Variants in ACTR3B observed in about 807,000 individuals in gnomAD.
ACTR3B encodes actin related protein 3B.
In ACTR3B, 8 loss-of-function variants were observed where a neutral mutation model predicts 59.0. That is an observed-to-expected ratio of 0.14 (90% confidence interval 0.08 to 0.24). The LOEUF (loss-of-function observed/expected upper bound fraction) is 0.24, where lower values mean the gene tolerates loss of function less well. Ranked by LOEUF, ACTR3B falls within the 10% of genes least tolerant of loss-of-function variation. The probability of loss-of-function intolerance (pLI) is 1.00; values close to 1 mark genes in which losing one functional copy is unlikely to be tolerated. For synonymous variants in ACTR3B, 148 were observed against 197.9 expected, an observed-to-expected ratio of 0.75 and a Z score of 2.12; for missense variants, 245 against 552.3, an observed-to-expected ratio of 0.44 and a Z score of 5.58.
chr7:152,827,865 C>A (rs1428799798), intron 9 of ACTR3B, among the ~76,000 whole-genome samples: 2 of 151,456 alleles, frequency 1.3e-5, no homozygotes, highest in African/African-American at 4.8e-5. Flanking sequence ...CGTTTCTGTG[C>A]GTTAGCCTGC....
chr7:152,838,453 C>T (rs912084518), intron 9 of ACTR3B, among the ~76,000 whole-genome samples: 5 of 152,246 alleles, frequency 3.3e-5, no homozygotes, highest in Non-Finnish European at 5.9e-5. Context: ...CCAAACACTG[C>T]ATGTTCTCAC....
At chr7:152,792,534 G>A (rs2098200212) in intron 2 of ACTR3B, among the ~76,000 whole-genome samples, 1 of 151,928 alleles carries the variant, frequency 6.6e-6, no homozygotes, top group African/African-American at 2.4e-5. Context: ...CGGGTCATGA[G>A]GTCAAGAATT....
At chr7:152,848,159 C>G (rs900912323) in intron 9 of ACTR3B, among the ~76,000 whole-genome samples, 8 of 152,182 alleles carry the variant, frequency 5.3e-5, no homozygotes, top group African/African-American at 1.9e-4. Context: ...TTGGGTGTTA[C>G]AGTAAGAAGC....
intron 1 of ACTR3B, among the ~76,000 whole-genome samples, chr7:152,760,334 G>A (rs2098085584): frequency 6.6e-6 from 1 of 152,220 alleles, no homozygotes; most frequent in African/African-American, 2.4e-5. Context: ...GATCATCACT[G>A]CAGATCCTTT....
intron 2 of ACTR3B, among the ~76,000 whole-genome samples, chr7:152,788,758 C>T (rs1197607417): frequency 6.6e-6 from 1 of 152,120 alleles, no homozygotes; most frequent in African/African-American, 2.4e-5. Flanking sequence ...CAGTGGTTCA[C>T]ACCTGTAATT....
intron 2 of ACTR3B, among the ~76,000 whole-genome samples, chr7:152,789,827 A>T (rs1233839370): frequency 6.6e-6 from 1 of 152,112 alleles, no homozygotes. Context: ...TGATAACTGT[A>T]GGTTTTTGTG....
At chr7:152,844,250 G>T (rs1230432584) in intron 9 of ACTR3B, among the ~76,000 whole-genome samples, 2 of 151,948 alleles carry the variant, frequency 1.3e-5, no homozygotes, top group African/African-American at 4.8e-5. Context: ...TAGAGATGGG[G>T]TTTCACCATG....
intron 9 of ACTR3B, among the ~76,000 whole-genome samples, chr7:152,834,313 C>G (rs1210067732): frequency 5.3e-5 from 8 of 152,104 alleles, no homozygotes; most frequent in African/African-American, 9.7e-5. Context: ...GCCACCACGC[C>G]TGGCTGATTT....
At chr7:152,778,696 T>G (rs953865454) in intron 1 of ACTR3B, among the ~76,000 whole-genome samples, 2 of 151,860 alleles carry the variant, frequency 1.3e-5, no homozygotes, top group African/African-American at 4.8e-5. Flanking sequence ...TCCTAGCACT[T>G]TGGGAGGCCA....
At chr7:152,814,997 G>A (rs1294940133) in intron 5 of ACTR3B, among the ~76,000 whole-genome samples, 2 of 151,478 alleles carry the variant, frequency 1.3e-5, no homozygotes, top group African/African-American at 4.9e-5. Flanking sequence ...TCCCCTTTCC[G>A]ATTTTGGGCT....
chr7:152,838,834 A>G (rs1797667103), intron 9 of ACTR3B, among the ~76,000 whole-genome samples: 1 of 152,176 alleles, frequency 6.6e-6, no homozygotes, highest in African/African-American at 2.4e-5. Context: ...TCACTGCTTC[A>G]GAGTCTTTCT....
chr7:152,760,673 G>A (rs922998952), intron 1 of ACTR3B, among the ~76,000 whole-genome samples: 1 of 152,184 alleles, frequency 6.6e-6, no homozygotes, highest in Non-Finnish European at 1.5e-5. Flanking sequence ...TTGTGGTAGA[G>A]GTTTTTGTTT....
chr7:152,828,544 G>A (rs1441331477), intron 9 of ACTR3B, among the ~76,000 whole-genome samples: 1 of 152,012 alleles, frequency 6.6e-6, no homozygotes. Context: ...GCACAGATCA[G>A]TAGGTCTGTG....
intron 2 of ACTR3B, among the ~76,000 whole-genome samples, chr7:152,788,649 G>C (rs888576141): frequency 1.3e-5 from 2 of 152,022 alleles, no homozygotes; most frequent in Non-Finnish European, 2.9e-5. Context: ...CTGACCTTGT[G>C]ATTCACCCAC....
intron 8 of ACTR3B, among the ~76,000 whole-genome samples, chr7:152,823,926 A>G (rs1796380882): frequency 6.6e-6 from 1 of 152,074 alleles, no homozygotes; most frequent in African/African-American, 2.4e-5. Flanking sequence ...TCTAATTTTA[A>G]CCCTGGACAG....
chr7:152,821,821 C>T (rs1796189500), intron 7 of ACTR3B, among the ~76,000 whole-genome samples: 1 of 152,142 alleles, frequency 6.6e-6, no homozygotes, highest in Admixed American at 6.5e-5. Flanking sequence ...TCCTGAAAGG[C>T]GTGGTTTAGA....
chr7:152,833,488 G>C (rs189647959), intron 9 of ACTR3B, among the ~76,000 whole-genome samples: 34 of 152,310 alleles, frequency 2.2e-4, no homozygotes, highest in East Asian at 2.1e-3. Context: ...TTAACCTGTG[G>C]TGGTCTTTGG....
intron 1 of ACTR3B, among the ~76,000 whole-genome samples, chr7:152,766,776 C>A (rs1356706200): frequency 6.7e-6 from 1 of 148,910 alleles, no homozygotes; most frequent in Non-Finnish European, 1.5e-5. Context: ...ATGGTGGTTT[C>A]TTTTCTTCTT....
chr7:152,760,613 A>G (rs536942287), intron 1 of ACTR3B, among the ~76,000 whole-genome samples: 2 of 152,358 alleles, frequency 1.3e-5, no homozygotes, highest in African/African-American at 4.8e-5. Context: ...GTGTTTAAAA[A>G]GACTCCATTT....
Sources: gnomAD v4.1 joint callset for allele counts (sites outside exome capture counted in the v4.1 genomes callset) on GRCh38, gnomAD v4.1.1 for gene constraint, MANE v1.5 for transcripts, NCBI Gene and HGNC (gene_info 2026-07-23, HGNC 2026-07-21) for gene names.